BMPR2: variants seen among roughly 807,000 people sequenced by gnomAD.
The protein encoded by BMPR2 is bone morphogenetic protein receptor type 2, also known as bone morphogenetic protein receptor type-2.
BMPR2 carries 29 observed loss-of-function variants against 100.8 expected under a neutral mutation model. That is an observed-to-expected ratio of 0.29 (90% CI 0.21 to 0.39). The LOEUF (loss-of-function observed/expected upper bound fraction) is 0.39, where lower values mean the gene tolerates loss of function less well. Ranked by LOEUF, BMPR2 falls within the 10% of genes least tolerant of loss-of-function variation. The pLI, the probability that BMPR2 is intolerant of heterozygous loss-of-function variation, is 1.00. For missense variants in BMPR2, 1,011 were observed against 1,274.5 expected (o/e 0.79, Z 3.15); for synonymous variants, 382 against 442.3 (o/e 0.86, Z 1.71).
In BMPR2 at chr2:202,503,210, G is replaced by A. The variant is rs1687440309; in HGVS notation, c.419-10509G>A. ...TCCTGTTTAGAGGGGGGATTGAGAG[G>A]TAACAGCGTGCTGGCAGTCCTCACA... is the stretch of plus-strand genomic sequence containing the variant. On this transcript the variant is annotated intron_variant, in intron 3 of 12. Coordinates refer to ENST00000374580, the MANE Select transcript of BMPR2 (RefSeq NM_001204.7). The surrounding 1 kb of genome is among the most constrained non-coding windows in gnomAD (Gnocchi z 4.0). Among the ~76,000 whole-genome samples, 1 of 152,248 alleles carries A rather than the reference G, an allele frequency of 6.6e-6. No homozygotes were observed. Among genetic ancestry groups the A allele is most frequent in the Non-Finnish European group, 1.5e-5 (1 of 68,052 alleles).
intron 3 of BMPR2, among the ~76,000 whole-genome samples, chr2:202,479,538 C>T (rs1692618376): frequency 6.6e-6 from 1 of 152,106 alleles, no homozygotes; most frequent in South Asian, 2.1e-4. Flanking sequence ...CTCCCCTCTG[C>T]TCCCACACAT....
intron 5 of BMPR2, among the ~76,000 whole-genome samples, chr2:202,516,657 A>C (rs1017548649): frequency 8.5e-5 from 13 of 152,326 alleles, no homozygotes; most frequent in African/African-American, 3.1e-4. Context: ...TCAAAAAAAA[A>C]AGGACAAAAG....
chr2:202,548,773 A>T (rs554808237), intron 10 of BMPR2, among the ~76,000 whole-genome samples: 1 of 152,062 alleles, frequency 6.6e-6, no homozygotes, highest in African/African-American at 2.4e-5. Flanking sequence ...TTAAGGTATC[A>T]TTATTTACCT....
intron 1 of BMPR2, among the ~76,000 whole-genome samples, chr2:202,409,629 G>A (rs1344823681): frequency 3.3e-5 from 5 of 152,124 alleles, no homozygotes; most frequent in African/African-American, 9.7e-5. Flanking sequence ...GGTCAACCAG[G>A]ATGTGGGGAG....
chr2:202,528,412 C>A (rs544034661), intron 7 of BMPR2, among the ~76,000 whole-genome samples: 1 of 152,272 alleles, frequency 6.6e-6, no homozygotes, highest in East Asian at 1.9e-4. Flanking sequence ...TGGTCTCGAT[C>A]TCCTGACCTC....
chr2:202,501,358 C>T (rs1244439893), intron 3 of BMPR2, among the ~76,000 whole-genome samples: 1 of 152,108 alleles, frequency 6.6e-6, no homozygotes, highest in Admixed American at 6.5e-5. Flanking sequence ...TCAAGGAAAC[C>T]CAGAAGGCAA....
At chr2:202,549,531 C>A (rs1390990812) in intron 10 of BMPR2, among the ~76,000 whole-genome samples, 4 of 151,822 alleles carry the variant, frequency 2.6e-5, no homozygotes, top group African/African-American at 9.7e-5. Context: ...TGTGACCGGG[C>A]GCAGTGGCGG....
At chr2:202,410,538 T>C (rs1690991979) in intron 1 of BMPR2, among the ~76,000 whole-genome samples, 3 of 152,102 alleles carry the variant, frequency 2.0e-5, no homozygotes, top group African/African-American at 4.8e-5. Context: ...TATCAGTGAG[T>C]CCATACTAAT....
intron 1 of BMPR2, among the ~76,000 whole-genome samples, chr2:202,403,406 G>A (rs1275919885): frequency 6.6e-6 from 1 of 151,824 alleles, no homozygotes; most frequent in East Asian, 1.9e-4. Context: ...CACCATGTTG[G>A]CCAGGATGGT....
At chr2:202,433,425 A>G (rs1691546117) in intron 1 of BMPR2, among the ~76,000 whole-genome samples, 3 of 150,808 alleles carry the variant, frequency 2.0e-5, no homozygotes, top group Admixed American at 2.0e-4. Context: ...AGGAAGGCTA[A>G]GACATCAGTT....
chr2:202,433,190 G>A lies in BMPR2; in HGVS notation c.77-31619G>A, dbSNP rs1358493106. 4.0e-5 allele frequency among the ~76,000 whole-genome samples: 6 copies of A among 150,482 alleles called. 1 individual carries two copies. Among genetic ancestry groups the A allele is most frequent in the African/African-American group, 1.5e-4 (6 of 39,852 alleles). On this transcript the variant is annotated intron_variant, in intron 1 of 12. Transcript: ENST00000374580. ...AAATTTCATCTTTACTGGACCTCCAGGATCTTTAGGACTTGTATTAGTCAG... is the reference window on the plus strand; with the variant it reads ...AAATTTCATCTTTACTGGACCTCCAAGATCTTTAGGACTTGTATTAGTCAG...
chr2:202,503,078 A>G lies in BMPR2; in HGVS notation c.419-10641A>G, dbSNP rs1687434304. On this transcript the variant is annotated intron_variant, in intron 3 of 12. Transcript: ENST00000374580. This position sits in a 1 kb window ranked among gnomAD's most constrained non-coding sequence, Gnocchi z 4.0. ...CTCTGGCACTTCCCCTGGCCTAGAG[A>G]GTTCCCCTCTGAAGGACACTACAAC... is the stretch of plus-strand genomic sequence containing the variant. Among the ~76,000 whole-genome samples, 1 of 152,222 alleles carries G rather than the reference A, an allele frequency of 6.6e-6. No individual in the cohort carries two copies. Among genetic ancestry groups the G allele is most frequent in the African/African-American group, 2.4e-5 (1 of 41,460 alleles).
chr2:202,429,095 C>T (rs1161748175), intron 1 of BMPR2, among the ~76,000 whole-genome samples: 1 of 152,186 alleles, frequency 6.6e-6, no homozygotes, highest in Admixed American at 6.5e-5. Flanking sequence ...TTGTTTTCCT[C>T]TGCTCCTGCC....
chr2:202,546,838 A>G (rs995417275), intron 10 of BMPR2, among the ~76,000 whole-genome samples: 9 of 152,134 alleles, frequency 5.9e-5, no homozygotes, highest in Non-Finnish European at 1.2e-4. Context: ...TCCTGACCTC[A>G]TGATCCACCT....
At chr2:202,524,376 AAC>A (rs1553509293) in intron 7 of BMPR2, among the ~76,000 whole-genome samples, 1 of 150,798 alleles carries the variant, frequency 6.6e-6, no homozygotes, top group African/African-American at 2.4e-5. Flanking sequence ...AAAAAAAAAA[AAC>A]AACTACCTGT....
intron 7 of BMPR2, among the ~76,000 whole-genome samples, chr2:202,530,224 G>A (rs922717880): frequency 6.6e-6 from 1 of 152,114 alleles, no homozygotes. Context: ...TTCATATCTT[G>A]GTGAGAGATA....
intron 3 of BMPR2, among the ~76,000 whole-genome samples, chr2:202,470,130 TAA>T (rs980978060): frequency 6.6e-6 from 1 of 151,610 alleles, no homozygotes; most frequent in Non-Finnish European, 1.5e-5. Flanking sequence ...GATCACGAGG[TAA>T]AGAGATCAAG....
At chr2:202,455,945 G>A (rs1297317746) in intron 1 of BMPR2, among the ~76,000 whole-genome samples, 1 of 150,070 alleles carries the variant, frequency 6.7e-6, no homozygotes, top group African/African-American at 2.4e-5. Flanking sequence ...GGCGCCTGTA[G>A]TCCCAGCTAC....
At position 202,559,804 on chromosome 2, in the gene BMPR2, C is replaced by G; in HGVS notation, c.2975C>G (p.Ser992Cys). The change falls in exon 13 of 13, where the codon TCC becomes TGC. Residue 992 changes from serine to cysteine, a missense_variant. Ser to Cys is a moderately radical substitution (Grantham distance 112, BLOSUM62 -1). This residue lies in a region of BMPR2 where 58 missense variants were observed against 72.3 expected (regional missense o/e 0.80). Transcript: ENST00000374580. The part of the protein sequence containing the change: ...KRWRPSTWVI[S>C]TESLDCEVNN... Reference sequence around the variant, plus strand: ...TGGCGCCCCTCCACCTGGGTCATCTCCACTGAATCGCTGGACTGTGAAGTC... The same window carrying G: ...TGGCGCCCCTCCACCTGGGTCATCTGCACTGAATCGCTGGACTGTGAAGTC... 1 of 1,614,162 alleles carries G rather than the reference C, an allele frequency of 6.2e-7. No homozygotes were observed. Among genetic ancestry groups the G allele is most frequent in the Non-Finnish European group, 8.5e-7 (1 of 1,180,026 alleles).
Sources: allele counts gnomAD v4.1 joint callset (sites outside exome capture counted in the v4.1 genomes callset), GRCh38; gene constraint gnomAD v4.1.1; regional missense constraint gnomAD v4.1.1; non-coding constraint Gnocchi (gnomAD v3.1); transcripts MANE v1.5; gene names NCBI Gene and HGNC (gene_info 2026-07-23, HGNC 2026-07-21).